Variants in GRK7 observed in about 807,000 individuals in gnomAD.
GRK7 encodes the protein G protein-coupled receptor kinase 7, also known as rhodopsin kinase GRK7.
In GRK7, 24 loss-of-function variants were observed where a neutral mutation model predicts 34.1. That is an observed-to-expected ratio of 0.70 (90% CI 0.51 to 0.99). GRK7 has a LOEUF of 0.99. Ranked by LOEUF, GRK7 falls within the 50% of genes least tolerant of loss-of-function variation. The pLI is 0.00. For missense variants in GRK7, 644 were observed against 707.3 expected (o/e 0.91, Z 1.02); for synonymous variants, 256 against 279.4 (o/e 0.92, Z 0.84).
chr3:141,762,464 C>T (rs2084559835), upstream of GRK7, among the ~76,000 whole-genome samples: 1 of 149,338 alleles, frequency 6.7e-6, no homozygotes, highest in Non-Finnish European at 1.5e-5. Flanking sequence ...AGGAGGCAGT[C>T]TGCCCGTTCT....
At chr3:141,791,003 C>T (rs1344711993) in intron 4 of GRK7, among the ~76,000 whole-genome samples, 1 of 152,148 alleles carries the variant, frequency 6.6e-6, no homozygotes, top group Non-Finnish European at 1.5e-5. Flanking sequence ...GAGGATCATG[C>T]TTGTACTTTT....
At chr3:141,800,140 A>C (rs543548975) in intron 4 of GRK7, among the ~76,000 whole-genome samples, 1 of 152,296 alleles carries the variant, frequency 6.6e-6, no homozygotes, top group Admixed American at 6.5e-5. Flanking sequence ...ACCCAAGAAC[A>C]TGAGGCCCAA....
intron 2 of GRK7, among the ~76,000 whole-genome samples, chr3:141,777,322 CTTT>C (rs770173065): frequency 1.7e-4 from 9 of 52,876 alleles, no homozygotes; most frequent in Admixed American, 5.3e-4. Context: ...GATGGCCCCT[CTTT>C]TTTTTTTTTT....
chr3:141,801,520 C>T (rs1710966818), intron 4 of GRK7, among the ~76,000 whole-genome samples: 1 of 151,444 alleles, frequency 6.6e-6, no homozygotes. Flanking sequence ...CACATTTGAT[C>T]CAAATTTAAA....
chr3:141,777,240 C>T (rs943284082), intron 2 of GRK7, among the ~76,000 whole-genome samples: 5 of 151,716 alleles, frequency 3.3e-5, no homozygotes, highest in African/African-American at 1.2e-4. Flanking sequence ...CCAGACACTC[C>T]AGGCCAAGTC....
chr3:141,775,786 C>T (rs1429408772), intron 2 of GRK7, among the ~76,000 whole-genome samples: 3 of 149,796 alleles, frequency 2.0e-5, no homozygotes, highest in South Asian at 2.1e-4. Context: ...AAGTTAATTT[C>T]GCCTGTTTTT....
chr3:141,792,002 TAAAAAAAAAAA>T (rs11324121), intron 4 of GRK7, among the ~76,000 whole-genome samples: 1 of 81,500 alleles, frequency 1.2e-5, no homozygotes, highest in Non-Finnish European at 2.3e-5. Context: ...AGACTCCATC[TAAAAAAAAAAA>T]AAAAAAAAAA....
intron 4 of GRK7, among the ~76,000 whole-genome samples, chr3:141,801,458 A>G (rs534739662): frequency 1.3e-3 from 195 of 152,202 alleles, no homozygotes; most frequent in Admixed American, 4.4e-3. Context: ...TGGGGAAAAA[A>G]GACAGAGGAG....
At chr3:141,765,781 A>G (rs923082965) in intron 1 of GRK7, among the ~76,000 whole-genome samples, 43 bp downstream of exon 1, 2 of 152,174 alleles carry the variant, frequency 1.3e-5, no homozygotes, top group Admixed American at 1.3e-4. Flanking sequence ...AAATCTGTAT[A>G]TTTGTGGGAT....
the GRK7 span, among the ~76,000 whole-genome samples, chr3:141,753,368 G>T: frequency 6.6e-6 from 1 of 152,144 alleles, no homozygotes; most frequent in African/African-American, 2.4e-5. Flanking sequence ...TAGTACAGTG[G>T]TTCCCCAATT....
chr3:141,795,134 G>T (rs181720387), intron 4 of GRK7, among the ~76,000 whole-genome samples: 13 of 152,292 alleles, frequency 8.5e-5, no homozygotes, highest in Non-Finnish European at 1.5e-4. Flanking sequence ...ACCAAGCTAA[G>T]ACTTAAAAGA....
upstream of GRK7, among the ~76,000 whole-genome samples, chr3:141,759,106 G>A (rs1468965820): frequency 2.1e-5 from 3 of 143,632 alleles, no homozygotes; most frequent in Admixed American, 2.2e-4. Flanking sequence ...TGCAAACAGG[G>A]ACAATTTGAC....
rs989560849 is a variant in GRK7, at chr3:141,764,964, C to T, written c.-989C>T. 6.6e-6 allele frequency among the ~76,000 whole-genome samples: 1 copy of T among 152,196 alleles called. No homozygotes were observed. Among genetic ancestry groups the T allele is most frequent in the African/African-American group, 2.4e-5 (1 of 41,448 alleles). Reference sequence around the variant, plus strand: ...ATCTTCCCCCTCCCCTGATTTCTCACCAGGGTTACTGCAGCAGCCTCCAGA... The same window carrying T: ...ATCTTCCCCCTCCCCTGATTTCTCATCAGGGTTACTGCAGCAGCCTCCAGA... On this transcript the variant is annotated 5_prime_UTR_variant, in exon 1 of 6. Coordinates refer to ENST00000682958, the MANE Select transcript of GRK7 (RefSeq NM_139209.3).
chr3:141,801,035 G>A (rs963624229), intron 4 of GRK7, among the ~76,000 whole-genome samples: 2 of 152,146 alleles, frequency 1.3e-5, no homozygotes, highest in Non-Finnish European at 2.9e-5. Context: ...CATGGGCCGG[G>A]TGCAGTGGCT....
rs552108581 is a variant in GRK7, at chr3:141,818,922, C to T, written c.*1872C>T. On this transcript the variant is annotated 3_prime_UTR_variant, in exon 6 of 6. Transcript: ENST00000682958. The stretch of plus-strand genomic sequence containing the variant: ...CTGAGAGTTGAGGCCTCGGCCGGTG[C>T]ACCTGCGGCTCACTTTCCCGCTCCT... Among the ~76,000 whole-genome samples the T allele has an allele frequency of 6.6e-6, 1 of 152,338 alleles. No homozygotes were observed. Among genetic ancestry groups the T allele is most frequent in the African/African-American group, 2.4e-5 (1 of 41,576 alleles).
intron 5 of GRK7, among the ~76,000 whole-genome samples, chr3:141,813,287 G>A (rs1366510925): frequency 1.3e-5 from 2 of 152,082 alleles, no homozygotes; most frequent in Non-Finnish European, 2.9e-5. Context: ...CACCACGCCT[G>A]ACTAATTTTT....
At chr3:141,800,044 T>C (rs1710935122) in intron 4 of GRK7, among the ~76,000 whole-genome samples, 1 of 152,208 alleles carries the variant, frequency 6.6e-6, no homozygotes, top group Non-Finnish European at 1.5e-5. Flanking sequence ...TGACTGCCAC[T>C]GACTTAACTT....
the GRK7 span, among the ~76,000 whole-genome samples, chr3:141,755,204 C>G: frequency 6.6e-6 from 1 of 152,166 alleles, no homozygotes; most frequent in Non-Finnish European, 1.5e-5. Context: ...TTGGAAAGCT[C>G]TAAATCCAAT....
chr3:141,815,386 G>A (rs1169880059), intron 5 of GRK7, among the ~76,000 whole-genome samples: 2 of 152,074 alleles, frequency 1.3e-5, no homozygotes, highest in Non-Finnish European at 2.9e-5. Flanking sequence ...CTTGTATGTG[G>A]AAGATGTTTC....
Sources: gnomAD v4.1 joint callset for allele counts (sites outside exome capture counted in the v4.1 genomes callset) on GRCh38, gnomAD v4.1.1 for gene constraint, MANE v1.5 for transcripts, NCBI Gene and HGNC (gene_info 2026-07-23, HGNC 2026-07-21) for gene names.